Variants in ATG2B observed in about 807,000 individuals in gnomAD.
ATG2B encodes the protein autophagy-related protein 2 homolog B.
Under a neutral mutation model 241.3 loss-of-function variants are expected in ATG2B, and 121 were observed. The ratio of observed to expected loss-of-function variants is 0.50; its 90% confidence interval spans 0.43 to 0.58. The LOEUF is 0.58. ATG2B is among the 20% of genes least tolerant of loss of function. The pLI is 0.00. For synonymous variants in ATG2B, 858 were observed against 876.6 expected, an observed-to-expected ratio of 0.98 and a Z score of 0.37; for missense variants, 2,306 against 2,491.6, an observed-to-expected ratio of 0.93 and a Z score of 1.59.
chr14:96,305,012 CG>C (rs1331452464), intron 31 of ATG2B, among the ~76,000 whole-genome samples: 99 of 151,762 alleles, frequency 6.5e-4, no homozygotes, highest in African/African-American at 2.4e-3. Context: ...GTTTTAAAGT[CG>C]CTTTTAAGTA....
intron 34 of ATG2B, among the ~76,000 whole-genome samples, chr14:96,299,135 G>A (rs1886723225): frequency 6.6e-6 from 1 of 152,132 alleles, no homozygotes. Flanking sequence ...GCCTGGTTGA[G>A]CACTTACTTA....
Position 96,280,844 on chromosome 14 carries a change from T to C in ATG2B, c.*4911A>G, listed in dbSNP as rs1315077125. On this transcript the variant is annotated 3_prime_UTR_variant, in exon 42 of 42. Coordinates refer to ENST00000359933, the MANE Select transcript of ATG2B (RefSeq NM_018036.7). ...CTGCAGTGAGCTAAGATTGCTCCATTGTACTCCAGCCTGGGCAACAAGAGC... is the reference window on the plus strand; with the variant it reads ...CTGCAGTGAGCTAAGATTGCTCCATCGTACTCCAGCCTGGGCAACAAGAGC... The C allele has an allele frequency of 6.6e-6, 1 of 152,188 alleles. No homozygotes were observed. Among genetic ancestry groups the C allele is most frequent in the Non-Finnish European group, 1.5e-5 (1 of 68,036 alleles). 9.4% of individuals were successfully genotyped at this position (152,188 alleles called of 1,614,324 possible).
intron 1 of ATG2B, among the ~76,000 whole-genome samples, chr14:96,355,830 T>A (rs1888457424): frequency 6.6e-6 from 1 of 152,242 alleles, no homozygotes; most frequent in East Asian, 1.9e-4. Context: ...TTTATTAGTT[T>A]AAACCAAGGC....
At chr14:96,314,575 C>T (rs76057835) in intron 23 of ATG2B, among the ~76,000 whole-genome samples, 1 of 145,008 alleles carries the variant, frequency 6.9e-6, no homozygotes, top group Non-Finnish European at 1.6e-5. Flanking sequence ...AGTCCCTTCC[C>T]TTCCTTTAAT....
At chr14:96,306,681 T>C (rs1202650339) in intron 30 of ATG2B, 33 bp downstream of exon 30, 1 of 1,580,056 alleles carries the variant, frequency 6.3e-7, no homozygotes, top group Non-Finnish European at 8.7e-7. Flanking sequence ...TGTAACACCA[T>C]TCAAGGCTTC....
At chr14:96,305,503 T>C (rs1886916655) in intron 31 of ATG2B, 86 bp downstream of exon 31, 2 of 860,748 alleles carry the variant, frequency 2.3e-6, no homozygotes, top group Admixed American at 3.3e-5. Context: ...TTCTTTTTTC[T>C]CTCTAAAGGG....
intron 14 of ATG2B, among the ~76,000 whole-genome samples, chr14:96,327,008 A>G (rs375977396): frequency 7.9e-5 from 12 of 152,330 alleles, no homozygotes; most frequent in African/African-American, 2.9e-4. Flanking sequence ...TACCCCACAG[A>G]AACTAAAATA....
intron 1 of ATG2B, among the ~76,000 whole-genome samples, chr14:96,356,545 ACT>A (rs1888480787): frequency 6.6e-6 from 1 of 151,832 alleles, no homozygotes. Flanking sequence ...CAATGGAAAA[ACT>A]CTCCATTCCT....
At chr14:96,308,241 T>TAC (rs1887023209) in intron 29 of ATG2B, among the ~76,000 whole-genome samples, 1 of 14,940 alleles carries the variant, frequency 6.7e-5, no homozygotes, top group Non-Finnish European at 1.6e-4. Flanking sequence ...CATATATATA[T>TAC]ATATATATAT....
In ATG2B at chr14:96,341,449, A is replaced by C. The variant is rs182632326; in HGVS notation, c.924+73T>G. 3.4e-6 allele frequency: 4 copies of C among 1,165,942 alleles called. No individual in the cohort carries two copies. The East Asian group carries it at 7.7e-5, about 22-fold the overall frequency. The allele number at this position is 1,165,942 out of a possible 1,614,324, so 72.2% of individuals were successfully genotyped here. A position where few individuals can be genotyped will look rare whatever the true frequency, so the allele number is the denominator to read the frequency against. ...GATAATCTGCAGTAATCAATCAGTG[A>C]ATCACTGCATAGAATAAAGAATACT... is the stretch of plus-strand genomic sequence containing the variant. On this transcript the variant is annotated intron_variant, in intron 6 of 41. Transcript: ENST00000359933.
At chr14:96,326,638 C>G (rs1369942625) in intron 14 of ATG2B, among the ~76,000 whole-genome samples, 2 of 152,098 alleles carry the variant, frequency 1.3e-5, no homozygotes, top group Non-Finnish European at 2.9e-5. Flanking sequence ...AGCTTTATTC[C>G]ACTCTACGTT....
intron 1 of ATG2B, among the ~76,000 whole-genome samples, chr14:96,359,950 T>C (rs1352885623): frequency 1.3e-5 from 2 of 152,186 alleles, no homozygotes; most frequent in Admixed American, 6.5e-5. Flanking sequence ...CATATCAAAC[T>C]GGTACAAAGA....
At chr14:96,325,556 T>TTTC (rs1437665398) in intron 15 of ATG2B, 93 bp downstream of exon 15, 3 of 1,160,498 alleles carry the variant, frequency 2.6e-6, no homozygotes, top group Non-Finnish European at 2.5e-6. Context: ...TTGTACTATA[T>TTTC]TGCAGGGCTG....
rs1454025744 is a variant in ATG2B, at chr14:96,303,168, T to A, written c.4930A>T (p.Ile1644Phe). The change falls in exon 33 of 42, where the codon ATT becomes TTT. Residue 1644 changes from isoleucine to phenylalanine, a missense_variant. Physicochemically the swap from Ile to Phe is conservative, Grantham distance 21. Transcript: ENST00000359933. Reference sequence around the variant, plus strand: ...TCTCGAATCTCAAGATCCTGAACAATGAACACCTGCCGGGAGACTGGGTGT... The same window carrying A: ...TCTCGAATCTCAAGATCCTGAACAAAGAACACCTGCCGGGAGACTGGGTGT... Reference protein sequence around the residue: ...SEHPVSRQVFIVQDLEIRDRL... With the variant: ...SEHPVSRQVFFVQDLEIRDRL... 1.9e-6 allele frequency: 3 copies of A among 1,613,488 alleles called. No homozygotes were observed.
In ATG2B at chr14:96,316,682, T is replaced by C; in HGVS notation, c.3212A>G (p.Gln1071Arg). 1 of 1,602,838 alleles carries C rather than the reference T, an allele frequency of 6.2e-7. No homozygotes were observed. The highest frequency in any genetic ancestry group is 8.5e-7 in the Non-Finnish European group (1 of 1,176,312). Residue 1071 changes from glutamine to arginine, a missense_variant and splice_region_variant, in exon 21 of 42, where the codon CAA becomes CGA. Around this residue, in one of 2 missense-constraint regions of ATG2B, gnomAD observed 1,927 missense variants for 2,011.2 expected, o/e 0.96. Transcript: ENST00000359933. Reference protein sequence around the residue: ...GLIAVFTDVKQDNGDLLENKH... With the variant: ...GLIAVFTDVKRDNGDLLENKH... ...GTTTTCCAACAGATCTCCATTATCT[T>C]GCTAGTAAAAAGATCAGAAAAACAC...
chr14:96,311,544 G>T lies in ATG2B; in HGVS notation c.3988C>A (p.Gln1330Lys). ...TAVKSDSDGE[Q>K]TEPRFELHCS... ...TTTCATTTATTTTAATAACTCACTT[G>T]CTCTCCATCAGAATCAGACTTCACT... is the stretch of plus-strand genomic sequence containing the variant. The change falls in exon 27 of 42, where the codon CAA (glutamine) becomes AAA (lysine). Residue 1330 changes from glutamine (Q) to lysine (K), a missense_variant and splice_region_variant. Physicochemically the swap from Gln to Lys is moderately conservative, Grantham distance 53 (BLOSUM62 1). This residue lies in a region of ATG2B where 1,927 missense variants were observed against 2,011.2 expected (regional missense o/e 0.96). Coordinates refer to ENST00000359933, the MANE Select transcript of ATG2B (RefSeq NM_018036.7). 6.3e-7 allele frequency: 1 copy of T among 1,596,316 alleles called. No individual in the cohort carries two copies.
At chr14:96,340,148 A>AATATATATCATATATG (rs1887988626) in intron 6 of ATG2B, among the ~76,000 whole-genome samples, 1 of 14,618 alleles carries the variant, frequency 6.8e-5, no homozygotes, top group Non-Finnish European at 2.0e-4. Flanking sequence ...GATATATATG[A>AATATATATCATATATG]ATATATATAT....
chr14:96,291,478 T>C (rs1886481708), intron 38 of ATG2B, 122 bp downstream of exon 38: 2 of 590,526 alleles, frequency 3.4e-6, no homozygotes, highest in South Asian at 3.2e-5. Context: ...CCTCTAAAAA[T>C]GAGCTCTCTA....
At chr14:96,348,438 T>G (rs1888226708) in intron 1 of ATG2B, among the ~76,000 whole-genome samples, 1 of 152,094 alleles carries the variant, frequency 6.6e-6, no homozygotes, top group Non-Finnish European at 1.5e-5. Context: ...ATCCCGGCAC[T>G]TTGGGAGGCT....
Sources: allele counts gnomAD v4.1 joint callset (sites outside exome capture counted in the v4.1 genomes callset), GRCh38; gene constraint gnomAD v4.1.1; regional missense constraint gnomAD v4.1.1; transcripts MANE v1.5; gene names NCBI Gene and HGNC (gene_info 2026-07-23, HGNC 2026-07-21).